Variants in ABLIM1 observed in about 807,000 individuals in gnomAD.
The protein encoded by ABLIM1 is actin-binding LIM protein 1.
Under a neutral mutation model 107.0 loss-of-function variants are expected in ABLIM1, and 40 were observed. The observed-to-expected ratio is 0.37, with a 90% confidence interval of 0.29 to 0.49. ABLIM1 has a LOEUF of 0.49. Ranked by LOEUF, ABLIM1 falls within the 20% of genes least tolerant of loss-of-function variation. The probability of loss-of-function intolerance (pLI) is 0.97; values close to 1 mark genes in which losing one functional copy is unlikely to be tolerated. For synonymous variants in ABLIM1, 357 were observed against 357.3 expected, an observed-to-expected ratio of 1.00 and a Z score of 0.01; for missense variants, 857 against 1,008.5, an observed-to-expected ratio of 0.85 and a Z score of 2.04.
intron 3 of ABLIM1, among the ~76,000 whole-genome samples, chr10:114,574,665 C>T (rs1034911379): frequency 6.6e-6 from 1 of 152,098 alleles, no homozygotes; most frequent in African/African-American, 2.4e-5. Context: ...TGGTCTCAAA[C>T]TCTTGAGCTC....
At chr10:114,593,152 A>T (rs1042833040) in intron 2 of ABLIM1, among the ~76,000 whole-genome samples, 23 of 152,186 alleles carry the variant, frequency 1.5e-4, no homozygotes, top group Admixed American at 1.1e-3. Context: ...CTATAGTACA[A>T]ACTGTCTCAT....
rs79319757 is a variant in ABLIM1, at chr10:114,680,207, T to C, written c.64+4083A>G. 5.6e-4 allele frequency among the ~76,000 whole-genome samples: 86 copies of C among 152,318 alleles called. 1 individual carries two copies. Among genetic ancestry groups the C allele is most frequent in the Admixed American group, 2.2e-3 (34 of 15,296 alleles). On this transcript the variant is annotated intron_variant, in intron 1 of 23. Transcript: ENST00000369256. ...TTATTACGCGGGAGGCACTGTGCCA[T>C]GAGTCTTATAGATATTCTCACTTCA...
Position 114,544,491 on chromosome 10 carries a change from T to C in ABLIM1, c.894+514A>G, listed in dbSNP as rs563939600. 2.6e-5 allele frequency among the ~76,000 whole-genome samples: 4 copies of C among 152,280 alleles called. No individual in the cohort carries two copies. In the South Asian group the frequency reaches 8.3e-4, roughly 32 times the overall value. Reference sequence around the variant, plus strand: ...GCACCTGAACTTGACAGGCTTCAGCTCAGCCCCGGCCACAGGGTGCTCTGG... The same window carrying C: ...GCACCTGAACTTGACAGGCTTCAGCCCAGCCCCGGCCACAGGGTGCTCTGG... On this transcript the variant is annotated intron_variant, in intron 6 of 22. Coordinates refer to ENST00000533213, the MANE Select transcript of ABLIM1 (RefSeq NM_002313.7).
At chr10:114,475,310 C>T (rs530182879) in intron 8 of ABLIM1, among the ~76,000 whole-genome samples, 23 of 152,316 alleles carry the variant, frequency 1.5e-4, no homozygotes, top group Admixed American at 1.3e-3. Flanking sequence ...TTAAATATCA[C>T]CTCCTCAGAG....
chr10:114,578,788 T>TC (rs1286413012), intron 2 of ABLIM1, among the ~76,000 whole-genome samples: 3 of 143,976 alleles, frequency 2.1e-5, no homozygotes, highest in African/African-American at 5.1e-5. Context: ...TTCTTTTCTT[T>TC]TTTTTTTTTT....
chr10:114,510,685 C>T (rs2061729318), intron 6 of ABLIM1, among the ~76,000 whole-genome samples: 1 of 151,484 alleles, frequency 6.6e-6, no homozygotes, highest in East Asian at 1.9e-4. Context: ...GGTCTCACTC[C>T]CATTACCCAG....
intron 4 of ABLIM1, among the ~76,000 whole-genome samples, chr10:114,564,779 G>A (rs1838106144): frequency 6.6e-6 from 1 of 152,186 alleles, no homozygotes; most frequent in African/African-American, 2.4e-5. Flanking sequence ...CATCTGAAAT[G>A]CAGAGCCCAC....
chr10:114,567,502 A>G (rs1373325285), intron 4 of ABLIM1, among the ~76,000 whole-genome samples: 18 of 152,340 alleles, frequency 1.2e-4, no homozygotes, highest in African/African-American at 4.3e-4. Context: ...AATAAAACAG[A>G]TATCAAGGTT....
At chr10:114,580,984 A>C (rs538159680) in intron 2 of ABLIM1, among the ~76,000 whole-genome samples, 3 of 152,208 alleles carry the variant, frequency 2.0e-5, no homozygotes, top group East Asian at 3.9e-4. Context: ...AACATTCCCC[A>C]CTCAAGGTGC....
intron 6 of ABLIM1, among the ~76,000 whole-genome samples, chr10:114,519,053 G>A (rs999314836): frequency 1.3e-5 from 2 of 152,174 alleles, no homozygotes; most frequent in African/African-American, 4.8e-5. Context: ...CCCTGTAATG[G>A]CTTTAATATT....
At chr10:114,669,019 G>C (rs971545423) in intron 1 of ABLIM1, among the ~76,000 whole-genome samples, 1 of 152,170 alleles carries the variant, frequency 6.6e-6, no homozygotes, top group African/African-American at 2.4e-5. Context: ...TGTTTCAGGA[G>C]AACTGCTTTC....
intron 1 of ABLIM1, among the ~76,000 whole-genome samples, chr10:114,666,536 TGGTCAGTAAATCTGTA>T (rs1382724107): frequency 2.0e-5 from 3 of 152,134 alleles, no homozygotes; most frequent in Admixed American, 1.3e-4. Context: ...AACAACAACA[TGGTCAGTAAATCTGTA>T]GGCTCTGGAA....
At position 114,471,298 on chromosome 10, in the gene ABLIM1, G is replaced by A. The variant is rs529289009; in HGVS notation, c.1275+1679C>T. On this transcript the variant is annotated intron_variant, in intron 10 of 22. Transcript: ENST00000533213. ...GCTGCTGGGAAACGCACACAGACAC[G>A]TACACTGCACACCATGAACCCCAAA... Among the ~76,000 whole-genome samples, 6 of 152,136 alleles carry A rather than the reference G, an allele frequency of 3.9e-5. No individual in the cohort carries two copies. The East Asian group carries it at 9.6e-4, about 24-fold the overall frequency.
upstream of ABLIM1, chr10:114,658,354 C>T: frequency 7.2e-7 from 1 of 1,395,168 alleles, no homozygotes; most frequent in African/African-American, 1.4e-5. Flanking sequence ...AGTGATTACC[C>T]TCAAGAGCTT....
chr10:114,663,953 G>A (rs1402212756), intron 1 of ABLIM1, among the ~76,000 whole-genome samples: 4 of 152,170 alleles, frequency 2.6e-5, no homozygotes, highest in Admixed American at 6.5e-5. Flanking sequence ...TAATGGCACC[G>A]TTTGAAGTAT....
At chr10:114,586,102 T>C (rs899351537) in intron 2 of ABLIM1, among the ~76,000 whole-genome samples, 1 of 152,206 alleles carries the variant, frequency 6.6e-6, no homozygotes, top group Non-Finnish European at 1.5e-5. Flanking sequence ...TTTAAGCCAG[T>C]AATTCCATCT....
In ABLIM1 at chr10:114,569,381, G is replaced by A. The variant is rs145827820; in HGVS notation, c.673+1916C>T. ...GTTGCCCAGGCTGGAGTGCAGTGGC[G>A]CGATCTCGGCTCACTGCAACCTCTG... is the stretch of plus-strand genomic sequence containing the variant. On this transcript the variant is annotated intron_variant, in intron 4 of 22. Coordinates refer to ENST00000533213, the MANE Select transcript of ABLIM1 (RefSeq NM_002313.7). Among the ~76,000 whole-genome samples the A allele has an allele frequency of 2.4e-3, 357 of 151,472 alleles. 4 individuals are homozygous for A. The highest frequency in any genetic ancestry group is 8.4e-3 in the African/African-American group (347 of 41,272).
chr10:114,778,838 GATTT>G, the ABLIM1 span: 3 of 152,112 alleles, frequency 2.0e-5, no homozygotes, highest in Admixed American at 2.0e-4. Flanking sequence ...GTGTTAAAAA[GATTT>G]GTTTGCTGAT....
At chr10:114,464,776 A>G (rs2064786377) in intron 12 of ABLIM1, among the ~76,000 whole-genome samples, 1 of 152,178 alleles carries the variant, frequency 6.6e-6, no homozygotes, top group Non-Finnish European at 1.5e-5. Context: ...TTTCTTGTAC[A>G]ATTTATTTTT....
Sources: allele counts gnomAD v4.1 joint callset (sites outside exome capture counted in the v4.1 genomes callset), GRCh38; gene constraint gnomAD v4.1.1; transcripts MANE v1.5; gene names NCBI Gene and HGNC (gene_info 2026-07-23, HGNC 2026-07-21).